PUDP: variants seen among roughly 807,000 people sequenced by gnomAD.
PUDP encodes the protein pseudouridine 5'-phosphatase.
A neutral mutation model predicts 9.4 loss-of-function variants in PUDP; 8 were observed. The observed-to-expected ratio is 0.85, with a 90% CI of 0.50 to 1.53. PUDP has a LOEUF of 1.53. Among genes scored for constraint, PUDP ranks in the 40% most tolerant of loss-of-function variants. The pLI, the probability that PUDP is intolerant of heterozygous loss-of-function variation, is 0.00. For missense variants in PUDP, 188 were observed against 189.7 expected (o/e 0.99, Z 0.05); for synonymous variants, 99 against 80.7 (o/e 1.23, Z -1.22).
chrX:6,773,634 T>G (rs910481577), intron 3 of PUDP, among the ~76,000 whole-genome samples: 3 of 111,152 alleles, frequency 2.7e-5, no homozygotes, highest in Non-Finnish European at 5.7e-5. Flanking sequence ...AGCTTGGTCA[T>G]GGGACCAAGT....
intron 3 of PUDP, among the ~76,000 whole-genome samples, chrX:6,777,174 C>T (rs1925479365): frequency 8.9e-6 from 1 of 112,221 alleles, no homozygotes; most frequent in Non-Finnish European, 1.9e-5. Context: ...TTTCCAGTCT[C>T]ACTGCTTCCT....
At chrX:6,913,108 C>T (rs1927873316) in intron 3 of PUDP, among the ~76,000 whole-genome samples, 1 of 111,455 alleles carries the variant, frequency 9.0e-6, no homozygotes, top group Non-Finnish European at 1.9e-5. Context: ...GCTTACAAAT[C>T]CTAGGGCCTA....
intron 1 of PUDP, among the ~76,000 whole-genome samples, chrX:6,713,645 C>T (rs1273909977): frequency 4.6e-5 from 5 of 109,150 alleles, no homozygotes; most frequent in African/African-American, 1.8e-4. Context: ...AGTGGAGGAA[C>T]ATCTATGTAT....
At chrX:7,138,489 C>T (rs1388426407) in intron 1 of PUDP, among the ~76,000 whole-genome samples, 3 of 109,721 alleles carry the variant, frequency 2.7e-5, no homozygotes, top group African/African-American at 1.0e-4. Flanking sequence ...TCTCGTGTCT[C>T]AGCCTCCCAA....
At chrX:6,924,324 C>A (rs765526452) in intron 3 of PUDP, among the ~76,000 whole-genome samples, 1 of 111,172 alleles carries the variant, frequency 9.0e-6, no homozygotes, top group Non-Finnish European at 1.9e-5. Context: ...CTGTTAAGTA[C>A]CAAAGGAAAT....
intron 3 of PUDP, among the ~76,000 whole-genome samples, chrX:6,891,940 C>G (rs1927523359): frequency 1.8e-5 from 2 of 111,908 alleles, no homozygotes; most frequent in South Asian, 7.5e-4. Flanking sequence ...GATCCCATGG[C>G]CAAGCACTTT....
At position 7,050,207 on chromosome X, in the gene PUDP, G is replaced by A; in HGVS notation, c.*89C>T. 1.1e-6 allele frequency: 1 copy of A among 916,946 alleles called. No homozygotes were observed. The highest frequency in any genetic ancestry group is 4.0e-4 in the Middle Eastern group (1 of 2,472). The allele number at this position is 916,946 out of a possible 1,213,427, so 75.6% of individuals were successfully genotyped here. A position where few individuals can be genotyped will look rare whatever the true frequency, so the allele number is the denominator to read the frequency against. ...AGGCTAAAATCACAGCGCAGGTTGG[G>A]ATTGAAGAGTTGCTGATTTCCTTTC... On this transcript the variant is annotated 3_prime_UTR_variant, in exon 4 of 4. Transcript: ENST00000381077.
At chrX:6,801,912 A>G (rs1003451784) in intron 3 of PUDP, among the ~76,000 whole-genome samples, 3 of 112,030 alleles carry the variant, frequency 2.7e-5, no homozygotes, top group South Asian at 3.8e-4. Context: ...ATGACATAAA[A>G]GGAAACAAAT....
intron 3 of PUDP, among the ~76,000 whole-genome samples, chrX:6,769,921 A>G (rs1172750395): frequency 8.9e-6 from 1 of 112,444 alleles, no homozygotes; most frequent in Non-Finnish European, 1.9e-5. Context: ...ACGGGGGATA[A>G]ATTGCAAGCA....
At chrX:6,880,115 T>A (rs1389184033) in intron 3 of PUDP, among the ~76,000 whole-genome samples, 1 of 109,386 alleles carries the variant, frequency 9.1e-6, no homozygotes, top group Non-Finnish European at 1.9e-5. Context: ...TTTTTTTTTT[T>A]TAATTTCAAT....
intron 3 of PUDP, among the ~76,000 whole-genome samples, chrX:6,953,824 T>C (rs973884606): frequency 4.5e-5 from 5 of 111,848 alleles, no homozygotes; most frequent in South Asian, 3.8e-4. Flanking sequence ...ATGCCCTTGA[T>C]ATGGTTTTGC....
At chrX:7,109,371 T>C (rs920751710) in intron 1 of PUDP, among the ~76,000 whole-genome samples, 1 of 111,691 alleles carries the variant, frequency 9.0e-6, no homozygotes, top group Admixed American at 9.5e-5. Context: ...GACACCACTG[T>C]CGGGTTTGAA....
intron 3 of PUDP, among the ~76,000 whole-genome samples, chrX:6,876,331 T>A: frequency 1.8e-5 from 2 of 111,393 alleles, no homozygotes; most frequent in South Asian, 7.6e-4. Context: ...GTGTATTAAA[T>A]GCATTTCAAT....
At chrX:6,987,341 T>C (rs1929116523) in intron 1 of PUDP, among the ~76,000 whole-genome samples, 1 of 111,786 alleles carries the variant, frequency 8.9e-6, no homozygotes, top group Non-Finnish European at 1.9e-5. Flanking sequence ...AAACACCAAG[T>C]TAAGAAGGAA....
At chrX:7,135,922 AC>A (rs766892134) in intron 1 of PUDP, among the ~76,000 whole-genome samples, 9 of 110,954 alleles carry the variant, frequency 8.1e-5, no homozygotes, top group Non-Finnish European at 1.3e-4. Flanking sequence ...CCACTGCCAA[AC>A]CCAGGCAAAT....
intron 3 of PUDP, among the ~76,000 whole-genome samples, chrX:7,054,722 C>T (rs931356525): frequency 8.9e-6 from 1 of 112,105 alleles, no homozygotes; most frequent in African/African-American, 3.2e-5. Flanking sequence ...CTCATGTGGC[C>T]GCTTTGCTAA....
intron 2 of PUDP, among the ~76,000 whole-genome samples, chrX:7,078,485 G>A (rs1369629217): frequency 8.9e-6 from 1 of 111,790 alleles, no homozygotes. Flanking sequence ...TAGAGATGGG[G>A]TTTCACCATG....
chrX:6,815,863 C>T (rs4914912), intron 3 of PUDP, among the ~76,000 whole-genome samples: 40,254 of 108,211 alleles, frequency 0.37, 6,446 homozygotes, highest in East Asian at 0.74. Flanking sequence ...CTCATTGTCA[C>T]TTATTTGCTC....
At chrX:6,876,670 T>TGTGTGC in intron 3 of PUDP, among the ~76,000 whole-genome samples, 1 of 108,539 alleles carries the variant, frequency 9.2e-6, no homozygotes, top group South Asian at 4.0e-4. Flanking sequence ...TGTGTGTGTG[T>TGTGTGC]GTTTGTGTAC....
Sources: gnomAD v4.1 joint callset for allele counts (sites outside exome capture counted in the v4.1 genomes callset) on GRCh38, gnomAD v4.1.1 for gene constraint, MANE v1.5 for transcripts, NCBI Gene and HGNC (gene_info 2026-07-23, HGNC 2026-07-21) for gene names.